ATP6V0E1: variants seen among roughly 807,000 people sequenced by gnomAD.
ATP6V0E1 encodes the protein V-type proton ATPase subunit e 1.
Under a neutral mutation model 11.6 loss-of-function variants are expected in ATP6V0E1, and 4 were observed. The ratio of observed to expected loss-of-function variants is 0.35; its 90% CI spans 0.17 to 0.79. The LOEUF is 0.79. ATP6V0E1 is among the 30% of genes least tolerant of loss of function. The pLI is 0.54. For missense variants in ATP6V0E1, 105 were observed against 100.0 expected (o/e 1.05, Z -0.21); for synonymous variants, 36 against 34.8 (o/e 1.04, Z -0.13).
At chr5:173,027,572 A>AAT (rs997037409) in intron 3 of ATP6V0E1, among the ~76,000 whole-genome samples, 5 of 150,954 alleles carry the variant, frequency 3.3e-5, no homozygotes, top group Non-Finnish European at 1.5e-5. Context: ...TTTCCCCTTA[A>AAT]ATATATATAT....
At chr5:173,021,970 G>A (rs1349904148) in intron 3 of ATP6V0E1, among the ~76,000 whole-genome samples, 4 of 152,212 alleles carry the variant, frequency 2.6e-5, no homozygotes, top group African/African-American at 9.7e-5. Flanking sequence ...AGGAGGCAGA[G>A]CTTGCAGTGA....
chr5:173,022,316 G>A (rs1581635415), intron 3 of ATP6V0E1, among the ~76,000 whole-genome samples: 1 of 152,132 alleles, frequency 6.6e-6, no homozygotes, highest in East Asian at 1.9e-4. Context: ...CCTATGTTTA[G>A]TAAGGCTGAT....
intron 3 of ATP6V0E1, among the ~76,000 whole-genome samples, chr5:173,029,488 A>G (rs1476843985): frequency 3.3e-5 from 5 of 151,838 alleles, no homozygotes; most frequent in Non-Finnish European, 5.9e-5. Flanking sequence ...TTCTGCCCCA[A>G]CTTACTACAG....
At chr5:172,998,500 A>C (rs2113587327) in intron 2 of ATP6V0E1, among the ~76,000 whole-genome samples, 1 of 151,958 alleles carries the variant, frequency 6.6e-6, no homozygotes, top group South Asian at 2.1e-4. Flanking sequence ...AGTCCCAGCT[A>C]CTTGGGAGGC....
At chr5:173,017,903 C>G (rs1266010254) in intron 2 of ATP6V0E1, among the ~76,000 whole-genome samples, 1 of 150,480 alleles carries the variant, frequency 6.6e-6, no homozygotes, top group Non-Finnish European at 1.5e-5. Context: ...ATGTACCATG[C>G]AGAAAGGATA....
chr5:173,027,323 TA>T (rs747815879), intron 3 of ATP6V0E1, among the ~76,000 whole-genome samples: 1,391 of 104,336 alleles, frequency 0.013, 16 homozygotes, highest in African/African-American at 0.025. Context: ...CTGTCTCTAC[TA>T]AAAAAAAAAA....
chr5:172,997,009 A>G (rs1269980357), intron 2 of ATP6V0E1, among the ~76,000 whole-genome samples: 4 of 151,356 alleles, frequency 2.6e-5, no homozygotes, highest in Non-Finnish European at 4.4e-5. Context: ...CAAATAAACT[A>G]ACAGTTCAAG....
At chr5:172,991,482 A>G (rs1342805003) in intron 1 of ATP6V0E1, among the ~76,000 whole-genome samples, 1 of 152,148 alleles carries the variant, frequency 6.6e-6, no homozygotes, top group East Asian at 1.9e-4. Context: ...TGGAGCACGG[A>G]CTGGGGGAAG....
intron 2 of ATP6V0E1, among the ~76,000 whole-genome samples, chr5:173,006,030 C>G (rs1362014453): frequency 1.3e-5 from 2 of 152,064 alleles, no homozygotes; most frequent in African/African-American, 4.8e-5. Flanking sequence ...TCTTGACAAC[C>G]ATTTGTGTGC....
chr5:173,008,442 AG>A, intron 2 of ATP6V0E1, among the ~76,000 whole-genome samples: 1 of 150,444 alleles, frequency 6.6e-6, no homozygotes, highest in Non-Finnish European at 1.5e-5. Flanking sequence ...CTGGGACTAC[AG>A]GTGCGTGCCA....
At chr5:173,023,891 A>T (rs1194196497) in intron 3 of ATP6V0E1, among the ~76,000 whole-genome samples, 1 of 151,908 alleles carries the variant, frequency 6.6e-6, no homozygotes, top group Non-Finnish European at 1.5e-5. Context: ...AGGATGATCT[A>T]ATAGACTTGA....
chr5:173,029,253 C>T (rs1193993219), intron 3 of ATP6V0E1, among the ~76,000 whole-genome samples: 3 of 152,032 alleles, frequency 2.0e-5, no homozygotes, highest in Admixed American at 6.6e-5. Flanking sequence ...TGCAAGGTGT[C>T]GTGTGGTTAA....
intron 2 of ATP6V0E1, among the ~76,000 whole-genome samples, chr5:172,997,633 C>A (rs1756086815): frequency 6.7e-6 from 1 of 150,350 alleles, no homozygotes; most frequent in Admixed American, 6.7e-5. Context: ...CACAGTGAAA[C>A]CCCGTCTCTA....
chr5:173,009,524 G>C (rs1756284733), intron 2 of ATP6V0E1, among the ~76,000 whole-genome samples: 1 of 148,706 alleles, frequency 6.7e-6, no homozygotes, highest in Admixed American at 6.7e-5. Flanking sequence ...GAGTGCAGTG[G>C]TGCAATCTTG....
chr5:173,033,589 T>C (rs932952801), intron 3 of ATP6V0E1, among the ~76,000 whole-genome samples: 1 of 151,914 alleles, frequency 6.6e-6, no homozygotes, highest in South Asian at 2.1e-4. Context: ...ATGCCTGTAA[T>C]CCCAGCACTT....
At chr5:172,988,006 G>A (rs769638238) in intron 1 of ATP6V0E1, among the ~76,000 whole-genome samples, 6 of 151,992 alleles carry the variant, frequency 3.9e-5, no homozygotes, top group Non-Finnish European at 7.4e-5. Flanking sequence ...AGCCACCTCG[G>A]ACCTAATCTA....
intron 2 of ATP6V0E1, among the ~76,000 whole-genome samples, chr5:173,015,503 A>T (rs986517506): frequency 7.9e-5 from 12 of 152,082 alleles, no homozygotes; most frequent in African/African-American, 2.7e-4. Flanking sequence ...ACCATAGGGG[A>T]AGGGGGAGGG....
In ATP6V0E1 at chr5:172,991,991, C is replaced by CTTT. The variant is rs879751449; in HGVS notation, c.105-2784_105-2783insTTT. 3.5e-3 allele frequency among the ~76,000 whole-genome samples: 470 copies of CTTT among 135,488 alleles called. 1 individual carries two copies. The highest frequency in any genetic ancestry group is 0.014 in the African/African-American group (454 of 32,932). 88.9% of individuals were successfully genotyped at this position (135,488 alleles called of 152,430 possible). On this transcript the variant is annotated intron_variant, in intron 1 of 3. Transcript: ENST00000519374. ...CTTCTTCCTTTATTTTTCTTTCTTTCCTTCTTTCTTCTTTCTGTCTGTCTT... is the reference window on the plus strand; with the variant it reads ...CTTCTTCCTTTATTTTTCTTTCTTTCTTTCTTCTTTCTTCTTTCTGTCTGTCTT...
intron 3 of ATP6V0E1, among the ~76,000 whole-genome samples, chr5:173,025,768 G>T (rs894715932): frequency 6.6e-6 from 1 of 151,964 alleles, no homozygotes; most frequent in Admixed American, 6.6e-5. Flanking sequence ...AAAGTGCTGG[G>T]ATTACAGGTG....
Sources: gnomAD v4.1 joint callset for allele counts (sites outside exome capture counted in the v4.1 genomes callset) on GRCh38, gnomAD v4.1.1 for gene constraint, MANE v1.5 for transcripts, NCBI Gene and HGNC (gene_info 2026-07-23, HGNC 2026-07-21) for gene names.